Variants in GRAP2 observed in about 807,000 individuals in gnomAD.
GRAP2 encodes GRB2-related adapter protein 2.
Under a neutral mutation model 43.5 loss-of-function variants are expected in GRAP2, and 31 were observed. The ratio of observed to expected loss-of-function variants is 0.71; its 90% confidence interval spans 0.54 to 0.96. The LOEUF is 0.96. Among genes scored for constraint, GRAP2 ranks in the 40% least tolerant of loss-of-function variants. The probability of loss-of-function intolerance (pLI) is 0.00; values close to 1 mark genes in which losing one functional copy is unlikely to be tolerated. For synonymous variants in GRAP2, 156 were observed against 164.8 expected, an observed-to-expected ratio of 0.95 and a Z score of 0.41; for missense variants, 371 against 424.4, an observed-to-expected ratio of 0.87 and a Z score of 1.11.
At chr22:39,970,572 C>T (rs1330768154) in intron 7 of GRAP2, among the ~76,000 whole-genome samples, 1 of 152,148 alleles carries the variant, frequency 6.6e-6, no homozygotes, top group Non-Finnish European at 1.5e-5. Flanking sequence ...CAGAGTGACG[C>T]TGGTGCGTTC....
chr22:39,905,599 G>A (rs2066518019), intron 1 of GRAP2, among the ~76,000 whole-genome samples: 1 of 152,168 alleles, frequency 6.6e-6, no homozygotes, highest in African/African-American at 2.4e-5. Flanking sequence ...AACAGTGCCT[G>A]TTATTATTGT....
At chr22:39,896,939 C>A (rs574586978), upstream of GRAP2, among the ~76,000 whole-genome samples, 31 of 152,328 alleles carry the variant, frequency 2.0e-4, no homozygotes, top group Non-Finnish European at 3.8e-4. Flanking sequence ...GACACCATTT[C>A]TCCTTCTCAT....
chr22:39,920,602 T>C (rs1454349365), intron 1 of GRAP2, among the ~76,000 whole-genome samples: 1 of 152,164 alleles, frequency 6.6e-6, no homozygotes, highest in African/African-American at 2.4e-5. Flanking sequence ...TTGCAGAACA[T>C]GCTGCCCCCA....
At chr22:39,907,449 C>T (rs2066531047) in intron 1 of GRAP2, among the ~76,000 whole-genome samples, 1 of 152,166 alleles carries the variant, frequency 6.6e-6, no homozygotes, top group Non-Finnish European at 1.5e-5. Context: ...GTACACTGAT[C>T]CTGATGGAGC....
intron 1 of GRAP2, among the ~76,000 whole-genome samples, chr22:39,927,071 A>G (rs955818875): frequency 1.3e-5 from 2 of 152,036 alleles, no homozygotes; most frequent in African/African-American, 2.4e-5. Context: ...GTCTCTTCTC[A>G]TTTTTCCTCC....
At chr22:39,943,236 C>G (rs1450352696) in intron 1 of GRAP2, among the ~76,000 whole-genome samples, 1 of 152,174 alleles carries the variant, frequency 6.6e-6, no homozygotes, top group East Asian at 1.9e-4. Flanking sequence ...TGTAGCATGG[C>G]TTTTGTTTTC....
chr22:39,960,219 A>C lies in GRAP2; in HGVS notation c.290+45A>C, dbSNP rs780799894. 7 of 1,584,950 alleles carry C rather than the reference A, an allele frequency of 4.4e-6. No individual in the cohort carries two copies. The African/African-American group carries it at 9.4e-5, about 21-fold the overall frequency. On this transcript the variant is annotated intron_variant, in intron 4 of 7. Coordinates refer to ENST00000344138, the MANE Select transcript of GRAP2 (RefSeq NM_004810.4). Reference sequence around the variant, plus strand: ...CTGCCTTGGCCCTTCTCGGCCTGTTAACCTCACAGAATGCTGAAGCCATGA... The same window carrying C: ...CTGCCTTGGCCCTTCTCGGCCTGTTCACCTCACAGAATGCTGAAGCCATGA...
At chr22:39,941,734 G>A (rs191815551) in intron 1 of GRAP2, among the ~76,000 whole-genome samples, 1 of 152,246 alleles carries the variant, frequency 6.6e-6, no homozygotes, top group East Asian at 1.9e-4. Flanking sequence ...AAAACACGGC[G>A]AGTCATTGTG....
rs944340089 is a variant in GRAP2 at position 39,971,844 on chromosome 22, C to T, written c.*760C>T. Reference sequence around the variant, plus strand: ...GCTTACTCAGTGGAACCTCTGTTTCCCCAGCTATGAAGGAAATAGCATCCT... The same window carrying T: ...GCTTACTCAGTGGAACCTCTGTTTCTCCAGCTATGAAGGAAATAGCATCCT... On this transcript the variant is annotated 3_prime_UTR_variant, in exon 8 of 8. Coordinates refer to ENST00000344138, the MANE Select transcript of GRAP2 (RefSeq NM_004810.4). The T allele has an allele frequency of 6.6e-6, 1 of 152,186 alleles. No homozygotes were observed. The highest frequency in any genetic ancestry group is 2.4e-5 in the African/African-American group (1 of 41,434). The allele number at this position is 152,186 out of a possible 1,614,324, so 9.4% of individuals were successfully genotyped here. A position where few individuals can be genotyped will look rare whatever the true frequency, so the allele number is the denominator to read the frequency against.
chr22:39,955,031 A>C (rs1396085536), intron 2 of GRAP2, among the ~76,000 whole-genome samples: 1 of 152,222 alleles, frequency 6.6e-6, no homozygotes, highest in East Asian at 1.9e-4. Flanking sequence ...TTAAGTTTTA[A>C]TCTGCCTGTT....
chr22:39,913,927 C>G (rs2066585160), intron 1 of GRAP2, among the ~76,000 whole-genome samples: 1 of 152,170 alleles, frequency 6.6e-6, no homozygotes, highest in African/African-American at 2.4e-5. Flanking sequence ...ACCCTGCACA[C>G]AGTGTGATTT....
chr22:39,927,923 T>C (rs2066721386), intron 1 of GRAP2, among the ~76,000 whole-genome samples: 1 of 152,194 alleles, frequency 6.6e-6, no homozygotes, highest in Admixed American at 6.5e-5. Flanking sequence ...TTACTGGTAC[T>C]ATGGATACCA....
intron 1 of GRAP2, among the ~76,000 whole-genome samples, chr22:39,905,402 G>A (rs1052660456): frequency 6.6e-6 from 1 of 152,082 alleles, no homozygotes; most frequent in Non-Finnish European, 1.5e-5. Context: ...AATGTTTATT[G>A]AGTGCTTGCT....
At chr22:39,951,730 G>C (rs2066984616) in intron 2 of GRAP2, among the ~76,000 whole-genome samples, 1 of 152,038 alleles carries the variant, frequency 6.6e-6, no homozygotes, top group Non-Finnish European at 1.5e-5. Context: ...GGAAGTGTGG[G>C]GCCCTGGGCC....
chr22:39,927,684 C>T (rs1569198692), intron 1 of GRAP2, among the ~76,000 whole-genome samples: 1 of 152,056 alleles, frequency 6.6e-6, no homozygotes, highest in African/African-American at 2.4e-5. Context: ...TTTCCTCTCA[C>T]CCATGACTAC....
intron 1 of GRAP2, among the ~76,000 whole-genome samples, chr22:39,909,082 C>T (rs2066541781): frequency 6.6e-6 from 1 of 152,194 alleles, no homozygotes; most frequent in African/African-American, 2.4e-5. Flanking sequence ...CCAACAATAT[C>T]TCATTTGTAC....
rs1004939799 is a variant in GRAP2, at chr22:39,913,596, T to A, written c.-15+12266T>A. Among the ~76,000 whole-genome samples the A allele has an allele frequency of 4.6e-5, 7 of 152,192 alleles. No homozygotes were observed. In the East Asian group the frequency reaches 9.7e-4, roughly 21 times the overall value. ...TGCTGAGTCTACAGCATGGTTGACT[T>A]GCAAGAAGGGGTCAAGGGCTCCCAG... On this transcript the variant is annotated intron_variant, in intron 1 of 7. Transcript: ENST00000344138.
Position 39,955,893 on chromosome 22 carries a change from A to G in GRAP2, c.153A>G (p.Ile51Met), listed in dbSNP as rs768481077. The G allele has an allele frequency of 6.5e-7, 1 of 1,543,904 alleles. No homozygotes were observed. Among genetic ancestry groups the G allele is most frequent in the South Asian group, 1.1e-5 (1 of 89,700 alleles). ...SQEGYVPKNF[I>M]DIQFPKWFHE... ...AAGGATATGTGCCCAAGAATTTCAT[A>G]GACATCCAGTTTCCCAAGTAAGTAT... Residue 51 changes from isoleucine to methionine, a missense_variant, in exon 3 of 8, where the codon ATA becomes ATG. Physicochemically the swap from Ile to Met is conservative, Grantham distance 10. Transcript: ENST00000344138.
chr22:39,966,282 G>C, intron 5 of GRAP2, 124 bp downstream of exon 5: 1 of 721,256 alleles, frequency 1.4e-6, no homozygotes, highest in Middle Eastern at 2.9e-4. Flanking sequence ...ACAGAGCTCA[G>C]AGCTCTGAGG....
Sources: gnomAD v4.1 joint callset for allele counts (sites outside exome capture counted in the v4.1 genomes callset) on GRCh38, gnomAD v4.1.1 for gene constraint, MANE v1.5 for transcripts, NCBI Gene and HGNC (gene_info 2026-07-23, HGNC 2026-07-21) for gene names.